The following TLN2 variants were observed in gnomAD, a reference collection of about 807,000 sequenced individuals.
The protein encoded by TLN2 is talin-2.
Under a neutral mutation model 294.7 loss-of-function variants are expected in TLN2, and 118 were observed. The ratio of observed to expected loss-of-function variants is 0.40; its 90% CI spans 0.34 to 0.47. TLN2 has a LOEUF of 0.47. TLN2 is among the 20% of genes least tolerant of loss of function. The pLI is 0.84. For missense variants in TLN2, 3,083 were observed against 3,282.2 expected, an observed-to-expected ratio of 0.94 and a Z score of 1.48; for synonymous variants, 1,431 against 1,304.5, an observed-to-expected ratio of 1.10 and a Z score of -2.09.
At chr15:62,840,044 T>A (rs1306677320) in intron 58 of TLN2, among the ~76,000 whole-genome samples, 2 of 152,186 alleles carry the variant, frequency 1.3e-5, no homozygotes, top group Non-Finnish European at 2.9e-5. Context: ...GGGCTCCGCT[T>A]TAGCCTTGCC....
At chr15:62,709,246 G>T (rs1003636712) in intron 21 of TLN2, among the ~76,000 whole-genome samples, 6 of 152,200 alleles carry the variant, frequency 3.9e-5, no homozygotes, top group African/African-American at 1.4e-4. Context: ...GGCAAGGGGA[G>T]GGCCTAGACC....
At position 62,589,473 on chromosome 15, in the gene TLN2, G is replaced by C. The variant is rs572732693; in HGVS notation, c.-237-214G>C. ...GAAAATGTGTTTTGTCTCTCTGCCAGCAGTAACATAATTTTGGTCTTCAAA... is the reference window on the plus strand; with the variant it reads ...GAAAATGTGTTTTGTCTCTCTGCCACCAGTAACATAATTTTGGTCTTCAAA... On this transcript the variant is annotated intron_variant, in intron 1 of 58. Coordinates refer to ENST00000636159, the MANE Select transcript of TLN2 (RefSeq NM_015059.3). Among the ~76,000 whole-genome samples the C allele has an allele frequency of 2.9e-3, 438 of 152,292 alleles. 4 individuals carry two copies. Among genetic ancestry groups the C allele is most frequent in the Non-Finnish European group, 5.2e-3 (354 of 68,028 alleles).
intron 3 of TLN2, among the ~76,000 whole-genome samples, chr15:62,644,085 A>G (rs1038920836): frequency 6.6e-6 from 1 of 151,916 alleles, no homozygotes; most frequent in Non-Finnish European, 1.5e-5. Context: ...AGACAAGTCT[A>G]TACCTGCTGG....
chr15:62,584,865 A>C (rs1276215229), intron 1 of TLN2, among the ~76,000 whole-genome samples: 2 of 152,230 alleles, frequency 1.3e-5, no homozygotes, highest in African/African-American at 4.8e-5. Flanking sequence ...CTTCAAGCCA[A>C]GAGTAATGCT....
intron 1 of TLN2, among the ~76,000 whole-genome samples, chr15:62,403,615 C>G (rs1595730270): frequency 6.6e-6 from 1 of 152,214 alleles, no homozygotes; most frequent in African/African-American, 2.4e-5. Context: ...CTTCTACAGG[C>G]TCTCCTCAGC....
At chr15:62,486,308 T>A (rs1415940619) in intron 1 of TLN2, among the ~76,000 whole-genome samples, 1 of 152,164 alleles carries the variant, frequency 6.6e-6, no homozygotes. Context: ...CAGTATGCAG[T>A]TCATATCCAA....
intron 2 of TLN2, among the ~76,000 whole-genome samples, chr15:62,593,724 T>C (rs1310019628): frequency 6.6e-6 from 1 of 152,256 alleles, no homozygotes; most frequent in Non-Finnish European, 1.5e-5. Context: ...AGCCATTCTA[T>C]TCTGTTTACA....
chr15:62,637,123 T>C (rs1338080166), intron 3 of TLN2: 1 of 152,212 alleles, frequency 6.6e-6, no homozygotes, highest in Admixed American at 6.5e-5. Context: ...AAACAAGTAA[T>C]GGGATGAGTT....
intron 1 of TLN2, among the ~76,000 whole-genome samples, chr15:62,509,466 C>G (rs1197114329): frequency 6.6e-6 from 1 of 152,168 alleles, no homozygotes; most frequent in East Asian, 1.9e-4. Flanking sequence ...TCAAATCTGA[C>G]TTAGCAAACT....
intron 1 of TLN2, among the ~76,000 whole-genome samples, chr15:62,402,461 G>A (rs2033096116): frequency 6.6e-6 from 1 of 151,896 alleles, no homozygotes; most frequent in African/African-American, 2.4e-5. Context: ...TCCCTTTCTT[G>A]TCCTCCTTAC....
intron 54 of TLN2, chr15:62,832,493 A>C (rs899262028): frequency 6.6e-6 from 1 of 152,226 alleles, no homozygotes; most frequent in Non-Finnish European, 1.5e-5. Flanking sequence ...CTGGGACCAC[A>C]GTCTTTATAC....
intron 3 of TLN2, chr15:62,645,054 G>A (rs2051665605): frequency 6.3e-6 from 1 of 158,850 alleles, no homozygotes; most frequent in Non-Finnish European, 1.4e-5. Context: ...CATGCTTATG[G>A]ATTTTAGCAA....
chr15:62,625,324 A>G (rs371336174), intron 3 of TLN2, among the ~76,000 whole-genome samples: 3 of 152,166 alleles, frequency 2.0e-5, no homozygotes, highest in Admixed American at 6.5e-5. Flanking sequence ...GAACCTTTCA[A>G]TGCTGTGGCC....
intron 12 of TLN2, among the ~76,000 whole-genome samples, chr15:62,692,040 C>T (rs1429236527): frequency 1.3e-5 from 2 of 152,160 alleles, no homozygotes; most frequent in East Asian, 1.9e-4. Flanking sequence ...TCAAGTTTAG[C>T]GTGTAGTATT....
intron 32 of TLN2, among the ~76,000 whole-genome samples, chr15:62,747,305 G>T (rs2061671096): frequency 6.6e-6 from 1 of 152,074 alleles, no homozygotes; most frequent in South Asian, 2.1e-4. Flanking sequence ...CTACTTATGG[G>T]CTACCTCTTA....
intron 46 of TLN2, among the ~76,000 whole-genome samples, chr15:62,795,826 A>C (rs1174395634): frequency 6.6e-6 from 1 of 152,144 alleles, no homozygotes; most frequent in Non-Finnish European, 1.5e-5. Flanking sequence ...CTTGCTAGAC[A>C]CTTTACAGAT....
At chr15:62,697,910 C>A (rs375707650) in intron 15 of TLN2, 42 bp downstream of exon 15, 956 of 1,596,398 alleles carry the variant, frequency 6.0e-4, no homozygotes, top group Non-Finnish European at 7.8e-4. Context: ...TAGTCTGCTG[C>A]CTCCCGCATG....
Position 62,675,288 on chromosome 15 carries a change from C to A in TLN2, c.924C>A (p.Leu308=). 1 of 1,614,224 alleles carries A rather than the reference C, an allele frequency of 6.2e-7. No individual in the cohort carries two copies. The highest frequency in any genetic ancestry group is 8.5e-7 in the Non-Finnish European group (1 of 1,180,048). ...AGTACGTCAAACTCGCACGGTCCCT[C>A]CGCACATATGGCGTGTCCTTCTTCC... ...KVKYVKLARS[L]RTYGVSFFLV... Residue 308 remains leucine, a synonymous_variant, in exon 11 of 59, where the codon CTC becomes CTA. Transcript: ENST00000636159.
At chr15:62,749,869 A>T (rs532725294) in intron 33 of TLN2, among the ~76,000 whole-genome samples, 1 of 152,328 alleles carries the variant, frequency 6.6e-6, no homozygotes, top group Non-Finnish European at 1.5e-5. Flanking sequence ...AACAACAAGA[A>T]ACGTTTTCTA....
Sources: gnomAD v4.1 joint callset for allele counts (sites outside exome capture counted in the v4.1 genomes callset) on GRCh38, gnomAD v4.1.1 for gene constraint, MANE v1.5 for transcripts, NCBI Gene and HGNC (gene_info 2026-07-23, HGNC 2026-07-21) for gene names.